The following TASP1 variants were observed in gnomAD, a reference collection of about 807,000 sequenced individuals.
The protein encoded by TASP1 is taspase 1.
TASP1 carries 16 observed loss-of-function variants against 56.6 expected under a neutral mutation model. The observed-to-expected ratio is 0.28, with a 90% CI of 0.19 to 0.43. TASP1 has a LOEUF of 0.43. Among genes scored for constraint, TASP1 ranks in the 20% least tolerant of loss-of-function variants. The probability of loss-of-function intolerance (pLI) is 1.00; values close to 1 mark genes in which losing one functional copy is unlikely to be tolerated. For missense variants in TASP1, 393 were observed against 511.6 expected (o/e 0.77, Z 2.24); for synonymous variants, 179 against 184.2 (o/e 0.97, Z 0.23).
At chr20:13,160,451 G>A in the TASP1 span, among the ~76,000 whole-genome samples, 1 of 152,100 alleles carries the variant, frequency 6.6e-6, no homozygotes, top group Non-Finnish European at 1.5e-5. Context: ...TGCTGTTTTA[G>A]ACTTAATTAC....
chr20:13,153,166 T>C, the TASP1 span, among the ~76,000 whole-genome samples: 1 of 152,238 alleles, frequency 6.6e-6, no homozygotes, highest in Non-Finnish European at 1.5e-5. Flanking sequence ...TAGCTTTGGC[T>C]GGCTTACTTA....
At chr20:13,484,787 A>T (rs1361162100) in intron 10 of TASP1, among the ~76,000 whole-genome samples, 1 of 152,016 alleles carries the variant, frequency 6.6e-6, no homozygotes, top group African/African-American at 2.4e-5. Flanking sequence ...ACACCATGGA[A>T]TACTACGCAG....
chr20:13,394,333 T>G (rs1430581037), intron 13 of TASP1, among the ~76,000 whole-genome samples: 24 of 109,036 alleles, frequency 2.2e-4, no homozygotes, highest in South Asian at 1.1e-3. Context: ...AAAAAAGGCC[T>G]GGTGCGGTAG....
the TASP1 span, among the ~76,000 whole-genome samples, chr20:13,224,691 C>T: frequency 0.17 from 25,572 of 151,998 alleles, 2,350 homozygotes; most frequent in Middle Eastern, 0.22. Flanking sequence ...TTTGTATTCA[C>T]TTAAAAAGGG....
chr20:13,572,917 AG>A (rs1480798488), intron 6 of TASP1, among the ~76,000 whole-genome samples: 2 of 152,182 alleles, frequency 1.3e-5, no homozygotes, highest in Admixed American at 1.3e-4. Flanking sequence ...AAAGCGCTCA[AG>A]GATCTTCAGG....
At chr20:13,292,643 C>A in the TASP1 span, among the ~76,000 whole-genome samples, 1 of 152,252 alleles carries the variant, frequency 6.6e-6, no homozygotes, top group Non-Finnish European at 1.5e-5. Context: ...CAGTCCTAAG[C>A]CTCCTCCACC....
the TASP1 span, among the ~76,000 whole-genome samples, chr20:13,361,615 C>T: frequency 0.011 from 1,612 of 151,910 alleles, 31 homozygotes; most frequent in African/African-American, 0.036. Context: ...TTTATTAGGC[C>T]CCAGTCTCAT....
chr20:13,189,358 G>A, the TASP1 span, among the ~76,000 whole-genome samples: 1 of 152,182 alleles, frequency 6.6e-6, no homozygotes, highest in Non-Finnish European at 1.5e-5. Context: ...TGTCAACAGA[G>A]TAAACATACA....
chr20:13,392,702 A>T (rs2041336362), intron 13 of TASP1: 2 of 547,098 alleles, frequency 3.7e-6, no homozygotes, highest in East Asian at 9.0e-5. Context: ...CAAAGTAAAA[A>T]GATTTGGCAG....
At chr20:13,142,361 A>G in the TASP1 span, among the ~76,000 whole-genome samples, 1 of 152,164 alleles carries the variant, frequency 6.6e-6, no homozygotes, top group Non-Finnish European at 1.5e-5. Flanking sequence ...GTGGTGATGT[A>G]ATACATATGG....
intron 5 of TASP1, among the ~76,000 whole-genome samples, chr20:13,582,805 A>T (rs991859658): frequency 2.0e-5 from 3 of 152,190 alleles, no homozygotes; most frequent in African/African-American, 7.2e-5. Flanking sequence ...CTCAGCTACA[A>T]ATTCACCCTT....
the TASP1 span, among the ~76,000 whole-genome samples, chr20:13,220,082 C>A: frequency 6.6e-6 from 1 of 151,944 alleles, no homozygotes; most frequent in Non-Finnish European, 1.5e-5. Context: ...TGGAAATGTG[C>A]GACGCGGCTG....
chr20:13,288,616 G>A, the TASP1 span: 1 of 1,613,986 alleles, frequency 6.2e-7, no homozygotes, highest in Non-Finnish European at 8.5e-7. Flanking sequence ...ACCAGAAACG[G>A]ACCCGGTCTT....
the TASP1 span, among the ~76,000 whole-genome samples, chr20:13,327,120 G>C: frequency 1.3e-5 from 2 of 152,176 alleles, no homozygotes; most frequent in Non-Finnish European, 2.9e-5. Context: ...AAAGTCTCAG[G>C]ATAGAAAATC....
At chr20:13,557,572 G>GGTTTTTTTTTTTTTTTTTT in intron 8 of TASP1, among the ~76,000 whole-genome samples, 1 of 99,738 alleles carries the variant, frequency 1.0e-5, no homozygotes. Flanking sequence ...GATGTTTTTG[G>GGTTTTTTTTTTTTTTTTTT]TTTTTTTTTT....
In TASP1 at chr20:13,599,038, G is replaced by C. The variant is rs189573105; in HGVS notation, c.283-11668C>G. Among the ~76,000 whole-genome samples the C allele has an allele frequency of 5.3e-5, 8 of 152,292 alleles. No individual in the cohort carries two copies. In the East Asian group the frequency reaches 1.2e-3, roughly 22 times the overall value. ...AAAATTCAGGAAACAACAGATGCTG[G>C]AGAGGATGTGGAGAAATAAGAACGC... On this transcript the variant is annotated intron_variant, in intron 4 of 13. Transcript: ENST00000337743.
intron 4 of TASP1, among the ~76,000 whole-genome samples, chr20:13,602,287 A>C (rs1487182375): frequency 2.0e-5 from 3 of 152,182 alleles, no homozygotes; most frequent in African/African-American, 7.2e-5. Context: ...GGTCACAAAA[A>C]ACAAGGAAAG....
the TASP1 span, among the ~76,000 whole-genome samples, chr20:13,171,215 T>C: frequency 6.6e-6 from 1 of 152,218 alleles, no homozygotes; most frequent in Non-Finnish European, 1.5e-5. Flanking sequence ...TCCATCTCAA[T>C]TTTATATAAT....
At chr20:13,179,888 G>A in the TASP1 span, among the ~76,000 whole-genome samples, 1 of 152,102 alleles carries the variant, frequency 6.6e-6, no homozygotes, top group East Asian at 1.9e-4. Flanking sequence ...ATGTCATTCT[G>A]TAGGATGAAT....
Sources: allele counts gnomAD v4.1 joint callset (sites outside exome capture counted in the v4.1 genomes callset), GRCh38; gene constraint gnomAD v4.1.1; transcripts MANE v1.5; gene names NCBI Gene and HGNC (gene_info 2026-07-23, HGNC 2026-07-21).